LRP1B: variants seen among roughly 807,000 people sequenced by gnomAD.
LRP1B encodes low-density lipoprotein receptor-related protein 1B.
Under a neutral mutation model 556.6 loss-of-function variants are expected in LRP1B, and 217 were observed. The observed-to-expected ratio is 0.39, with a 90% CI of 0.35 to 0.44. The LOEUF is 0.44. Among genes scored for constraint, LRP1B ranks in the 20% least tolerant of loss-of-function variants. The pLI is 1.00. For synonymous variants in LRP1B, 2,047 were observed against 1,865.8 expected, an observed-to-expected ratio of 1.10 and a Z score of -2.50; for missense variants, 5,053 against 5,620.8, an observed-to-expected ratio of 0.90 and a Z score of 3.23.
intron 2 of LRP1B, among the ~76,000 whole-genome samples, chr2:141,760,139 A>C (rs1005207238): frequency 2.0e-5 from 3 of 152,162 alleles, no homozygotes; most frequent in African/African-American, 7.2e-5. Context: ...TGTTTCAAAA[A>C]CTATCATGTG....
At position 141,513,299 on chromosome 2, in the gene LRP1B, A is replaced by G. The variant is rs536111831; in HGVS notation, c.206-32766T>C. Among the ~76,000 whole-genome samples the G allele has an allele frequency of 2.0e-5, 3 of 152,192 alleles. No homozygotes were observed. The East Asian group carries it at 5.8e-4, about 29-fold the overall frequency. On this transcript the variant is annotated intron_variant, in intron 2 of 90. Coordinates refer to ENST00000389484, the MANE Select transcript of LRP1B (RefSeq NM_018557.3). ...TTTTTAAAGTTATGACTTAATAACC[A>G]TCATCTTGGCTTTTATAGAAATTAA...
intron 3 of LRP1B, among the ~76,000 whole-genome samples, chr2:141,449,242 A>C (rs926405635): frequency 1.3e-5 from 2 of 152,228 alleles, no homozygotes; most frequent in South Asian, 4.1e-4. Context: ...TGTGAAGCCC[A>C]CCATTGCATA....
At position 140,285,382 on chromosome 2, in the gene LRP1B, CAT is replaced by C. The variant is rs1194894606; in HGVS notation, c.12968-10786_12968-10785del. 6.1e-4 allele frequency among the ~76,000 whole-genome samples: 90 copies of C among 146,848 alleles called. 1 individual carries two copies. Among genetic ancestry groups the C allele is most frequent in the Admixed American group, 4.5e-3 (66 of 14,702 alleles). Reference sequence around the variant, plus strand: ...ATATACACATACATATATATACACACATATATATATATACACACAGAGAGAGA... The same window carrying C: ...ATATACACATACATATATATACACACATATATATATACACACAGAGAGAGA... On this transcript the variant is annotated intron_variant, in intron 84 of 90. Coordinates refer to ENST00000389484, the MANE Select transcript of LRP1B (RefSeq NM_018557.3).
chr2:141,861,880 A>C (rs2105788224), intron 1 of LRP1B, among the ~76,000 whole-genome samples: 1 of 152,226 alleles, frequency 6.6e-6, no homozygotes, highest in South Asian at 2.1e-4. Context: ...CAGTGAGCCA[A>C]GATAGTGCCA....
chr2:140,359,890 A>G (rs79037109), intron 72 of LRP1B, among the ~76,000 whole-genome samples: 6,595 of 151,696 alleles, frequency 0.043, 173 homozygotes, highest in Middle Eastern at 0.092. Flanking sequence ...CATAGCCAAA[A>G]GTCTGGAATT....
At chr2:141,554,980 C>T (rs777225357) in intron 2 of LRP1B, among the ~76,000 whole-genome samples, 5 of 152,032 alleles carry the variant, frequency 3.3e-5, no homozygotes, top group East Asian at 1.9e-4. Flanking sequence ...TTGGGAACTG[C>T]GTAACCTAAT....
At chr2:140,409,380 C>A (rs1684877896) in intron 66 of LRP1B, among the ~76,000 whole-genome samples, 1 of 151,862 alleles carries the variant, frequency 6.6e-6, no homozygotes, top group African/African-American at 2.4e-5. Context: ...CATCTAACGA[C>A]AAGATATATT....
At chr2:141,409,883 A>G (rs1461591594) in intron 3 of LRP1B, among the ~76,000 whole-genome samples, 1 of 152,054 alleles carries the variant, frequency 6.6e-6, no homozygotes, top group African/African-American at 2.4e-5. Flanking sequence ...ACTTGAGAAG[A>G]GAGAATGCTT....
chr2:141,492,192 G>A (rs879058645), intron 2 of LRP1B, among the ~76,000 whole-genome samples: 1 of 151,174 alleles, frequency 6.6e-6, no homozygotes, highest in African/African-American at 2.4e-5. Context: ...GAAACAATGA[G>A]AGTAAGGATA....
At chr2:141,264,457 A>T (rs911843166) in intron 3 of LRP1B, among the ~76,000 whole-genome samples, 1 of 152,006 alleles carries the variant, frequency 6.6e-6, no homozygotes, top group African/African-American at 2.4e-5. Flanking sequence ...TTAGTTATTC[A>T]TTATTTTATT....
chr2:140,283,752 CAT>C (rs1299055074), intron 84 of LRP1B, among the ~76,000 whole-genome samples: 2 of 151,878 alleles, frequency 1.3e-5, no homozygotes, highest in East Asian at 1.9e-4. Context: ...AAAATCAACT[CAT>C]AGAGCTATCA....
At chr2:140,821,141 A>ATTTTT (rs1042309162) in intron 31 of LRP1B, among the ~76,000 whole-genome samples, 2 of 151,976 alleles carry the variant, frequency 1.3e-5, no homozygotes, top group African/African-American at 4.8e-5. Flanking sequence ...ATTATCAGTG[A>ATTTTT]TTTTTTTCCT....
At chr2:140,825,906 C>G (rs1691486766) in intron 31 of LRP1B, among the ~76,000 whole-genome samples, 1 of 152,194 alleles carries the variant, frequency 6.6e-6, no homozygotes, top group Admixed American at 6.5e-5. Flanking sequence ...GTCATTCAAT[C>G]AAATACTGTC....
chr2:141,452,327 A>G (rs1276093933), intron 3 of LRP1B, among the ~76,000 whole-genome samples: 1 of 152,210 alleles, frequency 6.6e-6, no homozygotes, highest in African/African-American at 2.4e-5. Context: ...TGACACTGGT[A>G]TGACTGATAC....
At chr2:140,741,537 A>T (rs113755793) in intron 35 of LRP1B, among the ~76,000 whole-genome samples, 6,706 of 152,118 alleles carry the variant, frequency 0.044, 227 homozygotes, top group Middle Eastern at 0.095. Context: ...TTACATGGGT[A>T]AATTGCATAT....
At chr2:141,359,595 A>C (rs7582600) in intron 3 of LRP1B, among the ~76,000 whole-genome samples, 113,347 of 151,862 alleles carry the variant, frequency 0.75, 43,378 homozygotes, top group African/African-American at 0.88. Flanking sequence ...ATCTTTACTA[A>C]AAATACAAAA....
chr2:140,292,956 A>G (rs1312357347), intron 84 of LRP1B, among the ~76,000 whole-genome samples: 1 of 152,148 alleles, frequency 6.6e-6, no homozygotes, highest in African/African-American at 2.4e-5. Context: ...GCAAAACATG[A>G]TATCTTTGGA....
chr2:141,914,785 T>A (rs928442717), intron 1 of LRP1B, among the ~76,000 whole-genome samples: 5 of 151,914 alleles, frequency 3.3e-5, no homozygotes, highest in Non-Finnish European at 5.9e-5. Context: ...TAGGAATACA[T>A]CTAACCAAGT....
chr2:141,450,674 G>A (rs902988111), intron 3 of LRP1B, among the ~76,000 whole-genome samples: 1 of 151,662 alleles, frequency 6.6e-6, no homozygotes, highest in Non-Finnish European at 1.5e-5. Context: ...AGCTCTAACA[G>A]GCCAATACTT....
Sources: allele counts gnomAD v4.1 joint callset (sites outside exome capture counted in the v4.1 genomes callset), GRCh38; gene constraint gnomAD v4.1.1; transcripts MANE v1.5; gene names NCBI Gene and HGNC (gene_info 2026-07-23, HGNC 2026-07-21).